Variants in UNC80 observed in about 807,000 individuals in gnomAD.
UNC80 encodes the protein protein unc-80 homolog.
Under a neutral mutation model 384.6 loss-of-function variants are expected in UNC80, and 164 were observed. The ratio of observed to expected loss-of-function variants is 0.43; its 90% CI spans 0.38 to 0.49. The LOEUF is 0.49. UNC80 is among the 20% of genes least tolerant of loss of function. UNC80 has a pLI of 0.00. For synonymous variants in UNC80, 1,486 were observed against 1,527.8 expected (o/e 0.97, Z 0.64); for missense variants, 3,330 against 4,143.0 (o/e 0.80, Z 5.39).
Position 209,819,020 on chromosome 2 carries a change from T to A in UNC80, c.1721T>A (p.Val574Asp). ...CGATCTCAGATCTCCACCATCACAG[T>A]TGCGACCTTCAATACCACTTTGGCG... ...EVRSQISTIT[V>D]ATFNTTLASF... Residue 574 changes from valine (V) to aspartate (D), a missense_variant, in exon 12 of 65, where the codon GTT becomes GAT. This residue lies in a region of UNC80 where 937 missense variants were observed against 1,026.8 expected (regional missense o/e 0.91). Coordinates refer to ENST00000673920, the MANE Select transcript of UNC80 (RefSeq NM_001371986.1). The A allele has an allele frequency of 6.4e-7, 1 of 1,551,768 alleles. No homozygotes were observed. The highest frequency in any genetic ancestry group is 8.7e-7 in the Non-Finnish European group (1 of 1,147,006).
intron 36 of UNC80, among the ~76,000 whole-genome samples, chr2:209,927,805 A>T (rs895925667): frequency 2.0e-5 from 3 of 152,172 alleles, no homozygotes; most frequent in Admixed American, 6.5e-5. Context: ...TAAGACAATC[A>T]TGAGGGCTGT....
At chr2:209,865,700 T>G (rs1458404559) in intron 22 of UNC80, among the ~76,000 whole-genome samples, 1 of 152,246 alleles carries the variant, frequency 6.6e-6, no homozygotes, top group African/African-American at 2.4e-5. Context: ...TATTGATTTT[T>G]AGGTAAATGA....
chr2:209,903,684 GA>G (rs1402832125), intron 28 of UNC80, among the ~76,000 whole-genome samples: 1 of 131,012 alleles, frequency 7.6e-6, no homozygotes, highest in African/African-American at 2.9e-5. Flanking sequence ...CACATGGTTA[GA>G]GGGGGAATGT....
At chr2:209,867,300 T>C (rs532357391) in intron 22 of UNC80, among the ~76,000 whole-genome samples, 2 of 152,300 alleles carry the variant, frequency 1.3e-5, no homozygotes, top group African/African-American at 2.4e-5. Context: ...GGCTCAAATA[T>C]GAAGGTTTGA....
chr2:209,838,198 T>C (rs2081475615), intron 18 of UNC80, among the ~76,000 whole-genome samples: 1 of 151,952 alleles, frequency 6.6e-6, no homozygotes, highest in Non-Finnish European at 1.5e-5. Flanking sequence ...TAAAGAGAGG[T>C]TGGATCATTT....
intron 7 of UNC80, among the ~76,000 whole-genome samples, chr2:209,802,420 TATA>T (rs1341901200): frequency 1.3e-5 from 2 of 152,186 alleles, no homozygotes; most frequent in East Asian, 3.8e-4. Flanking sequence ...TTCATAAATA[TATA>T]ATATTATCCA....
chr2:209,904,953 G>A lies in UNC80; in HGVS notation c.4770G>A (p.Lys1590=), dbSNP rs977389705. 6.4e-7 allele frequency: 1 copy of A among 1,551,666 alleles called. No individual in the cohort carries two copies. Among genetic ancestry groups the A allele is most frequent in the Non-Finnish European group, 8.7e-7 (1 of 1,146,980 alleles). ...TCAGCAGTGTGGCTCTCCGGGGCAA[G>A]AAACAGAAAGAAGTAAGTAAATGAC... ...SNISSVALRG[K]KQKECSDKSC... The change falls in exon 29 of 65, where the codon AAG becomes AAA. Residue 1590 remains lysine (K), a synonymous_variant. Transcript: ENST00000673920.
chr2:209,929,819 A>G (rs2124964061), intron 36 of UNC80, 52 bp from the exon 37 acceptor site: 2 of 1,328,298 alleles, frequency 1.5e-6, no homozygotes, highest in Non-Finnish European at 2.0e-6. Context: ...ACTTTATCTC[A>G]TAGACTTAAC....
intron 14 of UNC80, among the ~76,000 whole-genome samples, chr2:209,828,033 TCCCACTG>T: frequency 6.6e-6 from 1 of 152,190 alleles, no homozygotes; most frequent in Middle Eastern, 3.2e-3. Context: ...TGCTTAAACT[TCCCACTG>T]AACTCATACA....
Position 209,839,108 on chromosome 2 carries a change from C to G in UNC80, c.3042-114C>G, listed in dbSNP as rs369721068. On this transcript the variant is annotated intron_variant, in intron 18 of 64. Coordinates refer to ENST00000673920, the MANE Select transcript of UNC80 (RefSeq NM_001371986.1). This position sits in a 1 kb window ranked among gnomAD's most constrained non-coding sequence, Gnocchi z 4.1. ...CCACTCTTCCCACATTTCAGCCCAT[C>G]AAAGATCATTTTGCATGATTTGCCT... 11 of 953,370 alleles carry G rather than the reference C, an allele frequency of 1.2e-5. No homozygotes were observed. In the African/African-American group the frequency reaches 1.6e-4, roughly 14 times the overall value. 59.1% of individuals were successfully genotyped at this position (953,370 alleles called of 1,614,324 possible).
chr2:209,840,835 GA>G (rs748710797), intron 20 of UNC80, among the ~76,000 whole-genome samples, 187 bp downstream of exon 20: 1 of 152,172 alleles, frequency 6.6e-6, no homozygotes, highest in African/African-American at 2.4e-5. Context: ...GCTATCATAG[GA>G]AGGGAAAAAG....
intron 7 of UNC80, chr2:209,808,767 T>TTGTGCGCTACTCAGCGACCTCGTTGCC: frequency 3.4e-5 from 2 of 59,210 alleles, no homozygotes; most frequent in Admixed American, 3.6e-4. Flanking sequence ...CCTGCGCTAC[T>TTGTGCGCTACTCAGCGACCTCGTTGCC]TCTGCGCTAC....
At chr2:209,873,797 G>A (rs2084521796) in intron 23 of UNC80, among the ~76,000 whole-genome samples, 1 of 152,062 alleles carries the variant, frequency 6.6e-6, no homozygotes, top group Admixed American at 6.6e-5. Flanking sequence ...TACCAACTAA[G>A]GTATTCTTCC....
intron 26 of UNC80, among the ~76,000 whole-genome samples, chr2:209,890,103 A>G (rs1057489875): frequency 2.0e-5 from 3 of 152,158 alleles, no homozygotes; most frequent in Non-Finnish European, 2.9e-5. Context: ...ATGTATATAT[A>G]TAAATAAAAT....
chr2:209,876,731 G>A (rs972866247), intron 23 of UNC80, among the ~76,000 whole-genome samples: 2 of 152,028 alleles, frequency 1.3e-5, no homozygotes, highest in Non-Finnish European at 2.9e-5. Flanking sequence ...TTGTTTTTAC[G>A]ATTTGTATCA....
intron 7 of UNC80, among the ~76,000 whole-genome samples, chr2:209,806,750 T>A (rs893724155): frequency 2.0e-5 from 3 of 152,238 alleles, no homozygotes; most frequent in Non-Finnish European, 2.9e-5. Flanking sequence ...GAACTGCACA[T>A]CAGTCTTCTC....
intron 27 of UNC80, 32 bp downstream of exon 27, chr2:209,894,398 T>TG (rs1172051194): frequency 1.0e-6 from 1 of 980,274 alleles, no homozygotes; most frequent in Non-Finnish European, 1.2e-6. Flanking sequence ...TGCAGGGACG[T>TG]GGGGGGTAGG....
intron 21 of UNC80, among the ~76,000 whole-genome samples, chr2:209,847,998 C>A (rs1019140385): frequency 4.0e-5 from 6 of 151,766 alleles, no homozygotes; most frequent in Non-Finnish European, 8.8e-5. Context: ...AGATGAGAAT[C>A]CTTTGGTATA....
rs1192859283 is a variant in UNC80 at position 209,998,416 on chromosome 2, GT to G, written c.*2822del. 1 of 152,266 alleles carries G rather than the reference GT, an allele frequency of 6.6e-6. No individual in the cohort carries two copies. Among genetic ancestry groups the G allele is most frequent in the Non-Finnish European group, 1.5e-5 (1 of 68,062 alleles). 9.4% of individuals were successfully genotyped at this position (152,266 alleles called of 1,614,324 possible). ...AAGACAAGGCACTGAGAACTACAGTGTCAAAATCAAAGGGCATAAATGGGCA... is the reference window on the plus strand; with the variant it reads ...AAGACAAGGCACTGAGAACTACAGTGCAAAATCAAAGGGCATAAATGGGCA... On this transcript the variant is annotated 3_prime_UTR_variant, in exon 65 of 65. Transcript: ENST00000673920.
Sources: allele counts gnomAD v4.1 joint callset (sites outside exome capture counted in the v4.1 genomes callset), GRCh38; gene constraint gnomAD v4.1.1; regional missense constraint gnomAD v4.1.1; non-coding constraint Gnocchi (gnomAD v3.1); transcripts MANE v1.5; gene names NCBI Gene and HGNC (gene_info 2026-07-23, HGNC 2026-07-21).